The following GRIK2 variants were observed in gnomAD, a reference collection of about 807,000 sequenced individuals.
GRIK2 encodes glutamate receptor ionotropic, kainate 2.
A neutral mutation model predicts 100.3 loss-of-function variants in GRIK2; 32 were observed. That is an observed-to-expected ratio of 0.32 (90% CI 0.24 to 0.43). The LOEUF is 0.43. Among genes scored for constraint, GRIK2 ranks in the 20% least tolerant of loss-of-function variants. GRIK2 has a pLI of 1.00. For synonymous variants in GRIK2, 417 were observed against 389.4 expected, an observed-to-expected ratio of 1.07 and a Z score of -0.83; for missense variants, 843 against 1,114.9, an observed-to-expected ratio of 0.76 and a Z score of 3.47.
intron 4 of GRIK2, among the ~76,000 whole-genome samples, chr6:101,639,103 A>T (rs2128323583): frequency 6.6e-6 from 1 of 152,258 alleles, no homozygotes; most frequent in South Asian, 2.1e-4. Context: ...GCAGTGGCGC[A>T]ATCTCGGCTC....
At chr6:101,493,846 A>G (rs945434285) in intron 2 of GRIK2, among the ~76,000 whole-genome samples, 5 of 149,994 alleles carry the variant, frequency 3.3e-5, no homozygotes, top group African/African-American at 1.2e-4. Flanking sequence ...AAGCAACAAC[A>G]TTATTTCTCA....
At chr6:101,505,401 T>C (rs939015991) in intron 2 of GRIK2, among the ~76,000 whole-genome samples, 1 of 152,104 alleles carries the variant, frequency 6.6e-6, no homozygotes, top group African/African-American at 2.4e-5. Flanking sequence ...AAGAGTGTTT[T>C]CACATATTGA....
intron 2 of GRIK2, among the ~76,000 whole-genome samples, chr6:101,516,279 A>G (rs1302440500): frequency 1.3e-5 from 2 of 152,136 alleles, no homozygotes; most frequent in Admixed American, 1.3e-4. Flanking sequence ...CGCATAGCCA[A>G]AGCAAGACTA....
intron 7 of GRIK2, among the ~76,000 whole-genome samples, chr6:101,772,131 T>G (rs1157510806): frequency 1.3e-5 from 2 of 152,192 alleles, no homozygotes; most frequent in South Asian, 4.1e-4. Flanking sequence ...TTTTCTCTAC[T>G]GGCTTCATTC....
intron 2 of GRIK2, among the ~76,000 whole-genome samples, chr6:101,582,537 T>A (rs930746338): frequency 6.6e-6 from 1 of 152,206 alleles, no homozygotes; most frequent in East Asian, 1.9e-4. Flanking sequence ...GAACTGTGAG[T>A]CAGTTAGATG....
intron 12 of GRIK2, among the ~76,000 whole-genome samples, chr6:101,915,869 TC>T (rs765886946): frequency 6.6e-6 from 1 of 151,536 alleles, no homozygotes; most frequent in African/African-American, 2.4e-5. Context: ...AGGTATTTTT[TC>T]CCCCTCTCTT....
intron 7 of GRIK2, among the ~76,000 whole-genome samples, chr6:101,755,312 G>A (rs1021649294): frequency 6.6e-5 from 10 of 151,642 alleles, no homozygotes; most frequent in Admixed American, 6.6e-5. Flanking sequence ...GACTACAGGC[G>A]CCCGCCACCA....
intron 10 of GRIK2, among the ~76,000 whole-genome samples, chr6:101,831,066 C>T (rs1267444492): frequency 6.6e-6 from 1 of 152,084 alleles, no homozygotes; most frequent in Non-Finnish European, 1.5e-5. Context: ...TTCAGCATCA[C>T]TTAGCATATC....
intron 2 of GRIK2, among the ~76,000 whole-genome samples, chr6:101,508,208 G>C (rs1277011769): frequency 6.6e-6 from 1 of 151,832 alleles, no homozygotes; most frequent in Non-Finnish European, 1.5e-5. Context: ...AAGTTTATAA[G>C]AGAAAAATAA....
intron 9 of GRIK2, among the ~76,000 whole-genome samples, chr6:101,817,133 G>C (rs976579174): frequency 6.6e-6 from 1 of 152,108 alleles, no homozygotes; most frequent in Non-Finnish European, 1.5e-5. Context: ...ATGTAAATTG[G>C]CCAGTAGGTG....
intron 12 of GRIK2, among the ~76,000 whole-genome samples, chr6:101,891,882 G>A (rs1216757928): frequency 6.6e-6 from 1 of 151,960 alleles, no homozygotes; most frequent in Non-Finnish European, 1.5e-5. Flanking sequence ...TAGACCAACT[G>A]CATCTTTTTT....
chr6:102,050,648 T>TAAAAAA (rs146553452), intron 15 of GRIK2, among the ~76,000 whole-genome samples: 1 of 43,338 alleles, frequency 2.3e-5, no homozygotes, highest in African/African-American at 9.2e-5. Flanking sequence ...AAACTCGGTC[T>TAAAAAA]AAAAAAAAAA....
chr6:101,513,145 C>T (rs6917120), intron 2 of GRIK2, among the ~76,000 whole-genome samples: 38,651 of 151,910 alleles, frequency 0.25, 5,069 homozygotes, highest in Middle Eastern at 0.32. Context: ...TTATACACTT[C>T]AGAGAGGCAT....
At chr6:101,682,337 A>G (rs993622676) in intron 5 of GRIK2, among the ~76,000 whole-genome samples, 4 of 152,212 alleles carry the variant, frequency 2.6e-5, no homozygotes, top group Admixed American at 2.6e-4. Context: ...ACATTCAGCT[A>G]ATAGCTTTTC....
chr6:102,021,935 G>A (rs1769441410), intron 14 of GRIK2, among the ~76,000 whole-genome samples: 1 of 147,166 alleles, frequency 6.8e-6, no homozygotes, highest in South Asian at 2.1e-4. Flanking sequence ...ACACAACGTG[G>A]CCAGGATGCT....
At chr6:101,977,616 G>T (rs1245800949) in intron 14 of GRIK2, among the ~76,000 whole-genome samples, 2 of 151,962 alleles carry the variant, frequency 1.3e-5, no homozygotes, top group Non-Finnish European at 2.9e-5. Context: ...TGTGAGCAGA[G>T]CATAGGATGT....
intron 2 of GRIK2, among the ~76,000 whole-genome samples, chr6:101,451,628 T>A (rs1471374632): frequency 6.9e-6 from 1 of 144,794 alleles, no homozygotes; most frequent in Non-Finnish European, 1.5e-5. Context: ...ACCCCATTTT[T>A]AAATTTAATT....
At chr6:101,815,535 G>A (rs1781580693) in intron 9 of GRIK2, among the ~76,000 whole-genome samples, 1 of 151,494 alleles carries the variant, frequency 6.6e-6, no homozygotes, top group African/African-American at 2.4e-5. Context: ...AACAGTACCT[G>A]GGCAAACCAG....
At chr6:101,804,857 G>C (rs1231046822) in intron 9 of GRIK2, among the ~76,000 whole-genome samples, 1 of 151,842 alleles carries the variant, frequency 6.6e-6, no homozygotes, top group African/African-American at 2.4e-5. Context: ...AAGAAAAATT[G>C]AAAATTCCAT....
Sources: allele counts gnomAD v4.1 joint callset (sites outside exome capture counted in the v4.1 genomes callset), GRCh38; gene constraint gnomAD v4.1.1; transcripts MANE v1.5; gene names NCBI Gene and HGNC (gene_info 2026-07-23, HGNC 2026-07-21).